ETFDH: variants seen among roughly 807,000 people sequenced by gnomAD.
The protein encoded by ETFDH is electron transfer flavoprotein-ubiquinone oxidoreductase, mitochondrial.
Under a neutral mutation model 73.2 loss-of-function variants are expected in ETFDH, and 61 were observed. The observed-to-expected ratio is 0.83, with a 90% CI of 0.68 to 1.03. The LOEUF is 1.03. Among genes scored for constraint, ETFDH ranks in the 50% least tolerant of loss-of-function variants. The pLI, the probability that ETFDH is intolerant of heterozygous loss-of-function variation, is 0.00. For missense variants in ETFDH, 685 were observed against 745.0 expected (o/e 0.92, Z 0.94); for synonymous variants, 243 against 253.3 (o/e 0.96, Z 0.39).
intron 2 of ETFDH, chr4:158,681,926 T>C: frequency 2.2e-6 from 1 of 464,584 alleles, no homozygotes; most frequent in Non-Finnish European, 3.9e-6. Flanking sequence ...TGACTGTATT[T>C]TACACAAGTA....
At chr4:158,673,879 T>C (rs1773646293) in intron 1 of ETFDH, among the ~76,000 whole-genome samples, 3 of 152,240 alleles carry the variant, frequency 2.0e-5, no homozygotes, top group Non-Finnish European at 4.4e-5. Flanking sequence ...TTTGATATGG[T>C]GATGCTATGA....
Position 158,680,524 on chromosome 4 carries a change from C to T in ETFDH, c.92C>T (p.Thr31Ile), listed in dbSNP as rs11559290. The T allele has an allele frequency of 0.83, 1,328,588 of 1,599,292 alleles. 567,838 individuals carry two copies. The highest frequency in any genetic ancestry group is 0.96 in the East Asian group (42,850 of 44,716). The change falls in exon 2 of 13, where the codon ACA (threonine) becomes ATA (isoleucine). Residue 31 changes from threonine to isoleucine, a missense_variant. Thr to Ile is a moderately conservative substitution (Grantham distance 89). Around this residue, in one of 3 missense-constraint regions of ETFDH, gnomAD observed 405 missense variants for 399.3 expected, o/e 1.01. Transcript: ENST00000511912. ...IKKNYLPLCA[T>I]RWSSTSTVPR... ...AAAAATTATCTACCTCTATGTGCTA[C>T]AAGATGGTCTTCAACTTCTACTGTG...
At chr4:158,691,053 A>G (rs1403424197) in intron 6 of ETFDH, among the ~76,000 whole-genome samples, 1 of 152,184 alleles carries the variant, frequency 6.6e-6, no homozygotes, top group Non-Finnish European at 1.5e-5. Flanking sequence ...TTAAAAGATA[A>G]TAACATACAA....
chr4:158,703,624 A>G, intron 10 of ETFDH, 33 bp downstream of exon 10: 1 of 1,339,432 alleles, frequency 7.5e-7, no homozygotes, highest in Non-Finnish European at 1.1e-6. Flanking sequence ...ATACAAAAGA[A>G]AATTGCTGGG....
intron 10 of ETFDH, among the ~76,000 whole-genome samples, chr4:158,703,855 G>A (rs182766738): frequency 1.3e-5 from 2 of 152,324 alleles, no homozygotes; most frequent in East Asian, 3.9e-4. Context: ...CCAGCACTTT[G>A]GTAGGCTGAG....
At chr4:158,700,398 T>G (rs1315590223) in intron 9 of ETFDH, among the ~76,000 whole-genome samples, 1 of 152,164 alleles carries the variant, frequency 6.6e-6, no homozygotes, top group Non-Finnish European at 1.5e-5. Flanking sequence ...TCCATAATAG[T>G]TACTGTCAAT....
chr4:158,686,229 GC>G (rs1774000655), intron 5 of ETFDH, among the ~76,000 whole-genome samples: 1 of 152,078 alleles, frequency 6.6e-6, no homozygotes, highest in Non-Finnish European at 1.5e-5. Context: ...CATTTTCTGA[GC>G]CCCAATAGCA....
Position 158,695,498 on chromosome 4 carries a change from C to A in ETFDH, c.686C>A (p.Ala229Glu). The A allele has an allele frequency of 1.2e-6, 2 of 1,611,552 alleles. No homozygotes were observed. Among genetic ancestry groups the A allele is most frequent in the Non-Finnish European group, 1.7e-6 (2 of 1,178,232 alleles). The change falls in exon 7 of 13, where the codon GCA becomes GAA. Residue 229 changes from alanine (A) to glutamate (E), a missense_variant and splice_region_variant. By Grantham distance (107) the Ala-to-Glu change is moderately radical (BLOSUM62 -1). This residue lies in a region of ETFDH where 405 missense variants were observed against 399.3 expected (regional missense o/e 1.01). Transcript: ENST00000511912. Reference sequence around the variant, plus strand: ...ATTTAACATGTTTTTGCTTTTCAGGCAACATTTGAGAGAGGACTGGAACTA... The same window carrying A: ...ATTTAACATGTTTTTGCTTTTCAGGAAACATTTGAGAGAGGACTGGAACTA... Reference protein sequence around the residue: ...VGIQKDGAPKATFERGLELHA... With the variant: ...VGIQKDGAPKETFERGLELHA...
chr4:158,675,588 G>A (rs549538181), intron 1 of ETFDH, among the ~76,000 whole-genome samples: 1 of 152,154 alleles, frequency 6.6e-6, no homozygotes, highest in South Asian at 2.1e-4. Context: ...ACAACCCAGT[G>A]AGACTGCTTG....
chr4:158,676,099 G>T (rs1042531497), intron 1 of ETFDH, among the ~76,000 whole-genome samples: 7 of 152,174 alleles, frequency 4.6e-5, no homozygotes, highest in Admixed American at 1.3e-4. Flanking sequence ...CACAGAGGCG[G>T]CTGTACAGGA....
intron 1 of ETFDH, among the ~76,000 whole-genome samples, chr4:158,677,140 T>C (rs1236583826): frequency 6.6e-6 from 1 of 152,166 alleles, no homozygotes. Flanking sequence ...TAAACCCAAG[T>C]GTTGATGAAA....
At chr4:158,677,122 C>T (rs559606963) in intron 1 of ETFDH, among the ~76,000 whole-genome samples, 24 of 152,264 alleles carry the variant, frequency 1.6e-4, no homozygotes, top group African/African-American at 5.8e-4. Context: ...ATCAAAGAAA[C>T]CATTGCCTAA....
chr4:158,708,291 CTTAA>C, intron 12 of ETFDH, 69 bp from the exon 13 acceptor site: 2 of 1,175,668 alleles, frequency 1.7e-6, no homozygotes, highest in South Asian at 1.3e-5. Context: ...CTACTCTTTC[CTTAA>C]TTTTTACTTT....
rs1020639017 is a variant in ETFDH at position 158,706,700 on chromosome 4, A to G, written c.1540A>G (p.Ile514Val). 1 of 1,614,140 alleles carries G rather than the reference A, an allele frequency of 6.2e-7. No individual in the cohort carries two copies. The highest frequency in any genetic ancestry group is 2.2e-5 in the East Asian group (1 of 44,880). ...PIEYPKPDGQ[I>V]SFDLLSSVAL... ...TGAGTATCCAAAACCCGATGGACAG[A>G]TCAGTTTTGACCTCTTGTCATCTGT... is the stretch of plus-strand genomic sequence containing the variant. Residue 514 changes from isoleucine (I) to valine (V), a missense_variant, in exon 12 of 13, where the codon ATC (isoleucine) becomes GTC (valine). By Grantham distance (29) the Ile-to-Val change is conservative. Around this residue, in one of 3 missense-constraint regions of ETFDH, gnomAD observed 201 missense variants for 225.2 expected, o/e 0.89. Coordinates refer to ENST00000511912, the MANE Select transcript of ETFDH (RefSeq NM_004453.4).
chr4:158,675,179 A>C (rs1773681301), intron 1 of ETFDH, among the ~76,000 whole-genome samples: 3 of 152,158 alleles, frequency 2.0e-5, no homozygotes, highest in Admixed American at 2.0e-4. Context: ...TCATCACCCC[A>C]AAAAGAAACT....
At chr4:158,684,482 G>A (rs897206725) in intron 3 of ETFDH, 110 bp from the exon 4 acceptor site, 17 of 647,170 alleles carry the variant, frequency 2.6e-5, no homozygotes, top group Middle Eastern at 4.2e-4. Context: ...AAGAAAATTA[G>A]GGGGGAGTTC....
At chr4:158,706,475 T>C in intron 11 of ETFDH, 104 bp downstream of exon 11, 1 of 1,162,754 alleles carries the variant, frequency 8.6e-7, no homozygotes, top group Non-Finnish European at 1.3e-6. Context: ...TTGGAGAAAT[T>C]ATAAATTTAG....
At position 158,706,287 on chromosome 4, in the gene ETFDH, C is replaced by T; in HGVS notation, c.1384C>T (p.Leu462=). 1 of 1,611,594 alleles carries T rather than the reference C, an allele frequency of 6.2e-7. No individual in the cohort carries two copies. Among genetic ancestry groups the T allele is most frequent in the African/African-American group, 1.3e-5 (1 of 74,944 alleles). ...RNIRPSCHGV[L]GVYGGMIYTG... ...TATAAGACCGTCCTGCCACGGAGTA[C>T]TGGGTGTATATGGAGGGATGATTTA... is the stretch of plus-strand genomic sequence containing the variant. The change falls in exon 11 of 13, where the codon CTG becomes TTG. Residue 462 remains leucine (L), a synonymous_variant. Coordinates refer to ENST00000511912, the MANE Select transcript of ETFDH (RefSeq NM_004453.4).
intron 1 of ETFDH, chr4:158,679,862 A>G (rs1773797975): frequency 1.3e-5 from 2 of 152,080 alleles, no homozygotes; most frequent in African/African-American, 4.8e-5. Flanking sequence ...ACTTGAGGCC[A>G]GGAGTTCGAG....
Sources: allele counts gnomAD v4.1 joint callset (sites outside exome capture counted in the v4.1 genomes callset), GRCh38; gene constraint gnomAD v4.1.1; regional missense constraint gnomAD v4.1.1; transcripts MANE v1.5; gene names NCBI Gene and HGNC (gene_info 2026-07-23, HGNC 2026-07-21).